The following SUGP1 variants were observed in gnomAD, a reference collection of about 807,000 sequenced individuals.
SUGP1 encodes SURP and G-patch domain-containing protein 1.
SUGP1 carries 34 observed loss-of-function variants against 76.5 expected under a neutral mutation model. The observed-to-expected ratio is 0.44, with a 90% CI of 0.34 to 0.59. The LOEUF is 0.59. Ranked by LOEUF, SUGP1 falls within the 20% of genes least tolerant of loss-of-function variation. The probability of loss-of-function intolerance (pLI) is 0.01; values close to 1 mark genes in which losing one functional copy is unlikely to be tolerated. For synonymous variants in SUGP1, 326 were observed against 326.2 expected (o/e 1.00, Z 0.01); for missense variants, 752 against 851.7 (o/e 0.88, Z 1.46).
At chr19:19,315,147 C>T (rs2061383792) in intron 2 of SUGP1, among the ~76,000 whole-genome samples, 2 of 151,876 alleles carry the variant, frequency 1.3e-5, no homozygotes, top group Non-Finnish European at 2.9e-5. Flanking sequence ...GGCAACATAA[C>T]AAGACCTCAT....
At chr19:19,282,940 G>C (rs1042608023) in intron 8 of SUGP1, among the ~76,000 whole-genome samples, 1 of 152,106 alleles carries the variant, frequency 6.6e-6, no homozygotes, top group African/African-American at 2.4e-5. Context: ...AGCCAGGCGT[G>C]GTGGCAGGCG....
intron 7 of SUGP1, among the ~76,000 whole-genome samples, chr19:19,298,846 C>T (rs927594405): frequency 2.0e-5 from 3 of 152,140 alleles, no homozygotes; most frequent in Non-Finnish European, 2.9e-5. Context: ...TGTGGGGGCC[C>T]CTTCCTGGTC....
chr19:19,312,463 T>C (rs1226405622), intron 2 of SUGP1, among the ~76,000 whole-genome samples: 1 of 152,174 alleles, frequency 6.6e-6, no homozygotes, highest in Non-Finnish European at 1.5e-5. Context: ...TAAACCCGCA[T>C]GACGTTCCAC....
intron 8 of SUGP1, among the ~76,000 whole-genome samples, chr19:19,292,221 C>T (rs1399267894): frequency 4.9e-5 from 7 of 141,594 alleles, no homozygotes; most frequent in African/African-American, 1.1e-4. Flanking sequence ...TGCAGGGAGC[C>T]GAGATTGCAC....
At chr19:19,306,187 G>C in intron 3 of SUGP1, 111 bp from the exon 4 acceptor site, 4 of 1,068,042 alleles carry the variant, frequency 3.7e-6, no homozygotes, top group Non-Finnish European at 3.9e-6. Flanking sequence ...TTGACTTCCA[G>C]AACTCAGGGG....
intron 2 of SUGP1, 34 bp from the exon 3 acceptor site, chr19:19,310,234 T>C: frequency 6.5e-7 from 1 of 1,532,112 alleles, no homozygotes; most frequent in Non-Finnish European, 9.0e-7. Context: ...GAGGGTGAGC[T>C]GGCTAGAGAT....
chr19:19,302,529 A>C (rs2061280190), intron 6 of SUGP1, 141 bp from the exon 7 acceptor site: 3 of 1,211,868 alleles, frequency 2.5e-6, no homozygotes, highest in Non-Finnish European at 3.4e-6. Context: ...AGATTACTAC[A>C]CTGGGACCAG....
intron 8 of SUGP1, among the ~76,000 whole-genome samples, chr19:19,288,581 C>T (rs2061158861): frequency 6.6e-6 from 1 of 151,862 alleles, no homozygotes; most frequent in Admixed American, 6.6e-5. Flanking sequence ...GTGGTGAAAC[C>T]CTGTCTCTAC....
intron 3 of SUGP1, among the ~76,000 whole-genome samples, chr19:19,306,406 G>A (rs1300638871): frequency 1.3e-5 from 2 of 152,200 alleles, no homozygotes; most frequent in African/African-American, 2.4e-5. Context: ...CCGAGTCCCC[G>A]AATCCCAGTT....
chr19:19,285,700 G>A (rs766392128), intron 8 of SUGP1, among the ~76,000 whole-genome samples: 1 of 151,912 alleles, frequency 6.6e-6, no homozygotes, highest in Admixed American at 6.6e-5. Flanking sequence ...CAAGTAGCTG[G>A]GACTACAAGT....
At chr19:19,296,102 A>G (rs2061223274) in intron 8 of SUGP1, among the ~76,000 whole-genome samples, 1 of 150,844 alleles carries the variant, frequency 6.6e-6, no homozygotes, top group South Asian at 2.1e-4. Context: ...GGATCACTTG[A>G]GGACAGAAGT....
intron 2 of SUGP1, among the ~76,000 whole-genome samples, chr19:19,311,343 C>CA (rs11326181): frequency 6.7e-4 from 91 of 135,008 alleles, no homozygotes; most frequent in East Asian, 1.4e-3. Flanking sequence ...ATATACTTTG[C>CA]AAAAAAAAAA....
intron 8 of SUGP1, among the ~76,000 whole-genome samples, chr19:19,285,152 C>G (rs1408153135): frequency 1.3e-5 from 2 of 152,038 alleles, no homozygotes; most frequent in African/African-American, 2.4e-5. Context: ...CAGGCGTGAG[C>G]TACCGTGCCC....
chr19:19,299,465 C>T (rs1251560294), intron 7 of SUGP1, among the ~76,000 whole-genome samples: 2 of 152,050 alleles, frequency 1.3e-5, no homozygotes, highest in Non-Finnish European at 2.9e-5. Context: ...CTCCGCCTCC[C>T]GGGTTCAGGC....
intron 1 of SUGP1, among the ~76,000 whole-genome samples, chr19:19,318,532 G>C (rs1385360279): frequency 6.6e-6 from 1 of 152,074 alleles, no homozygotes; most frequent in African/African-American, 2.4e-5. Context: ...GGGCTCTAGA[G>C]ATTCTCCCAC....
chr19:19,289,370 G>A (rs1272378083), intron 8 of SUGP1, among the ~76,000 whole-genome samples: 1 of 152,020 alleles, frequency 6.6e-6, no homozygotes, highest in African/African-American at 2.4e-5. Flanking sequence ...GGGAGGCCGA[G>A]GCGGGGAGAT....
intron 1 of SUGP1, among the ~76,000 whole-genome samples, chr19:19,319,230 G>A (rs541136562): frequency 6.6e-6 from 1 of 151,458 alleles, no homozygotes; most frequent in East Asian, 2.0e-4. Context: ...TCAACAAAAA[G>A]AAAAAAAGAA....
intron 9 of SUGP1, 94 bp downstream of exon 9, chr19:19,280,091 C>T: frequency 2.4e-6 from 3 of 1,236,152 alleles, no homozygotes; most frequent in Middle Eastern, 2.0e-4. Flanking sequence ...CTTGGCGAAG[C>T]ACATGAACCC....
rs73922845 is a variant in SUGP1, at chr19:19,284,723, G to T, written c.1244-4432C>A. On this transcript the variant is annotated intron_variant, in intron 8 of 13. Transcript: ENST00000247001. ...GAGAATATAATGGCAGCAAAGGATG[G>T]TTTGACAGGTTTAGAAAGAGGTTTG... Among the ~76,000 whole-genome samples, 1,437 of 152,306 alleles carry T rather than the reference G, an allele frequency of 9.4e-3. 25 individuals carry two copies. The highest frequency in any genetic ancestry group is 0.033 in the African/African-American group (1,385 of 41,562).
Sources: allele counts gnomAD v4.1 joint callset (sites outside exome capture counted in the v4.1 genomes callset), GRCh38; gene constraint gnomAD v4.1.1; transcripts MANE v1.5; gene names NCBI Gene and HGNC (gene_info 2026-07-23, HGNC 2026-07-21).